Variants in CSGALNACT1 observed in about 807,000 individuals in gnomAD.
CSGALNACT1 encodes chondroitin sulfate N-acetylgalactosaminyltransferase 1.
A neutral mutation model predicts 51.0 loss-of-function variants in CSGALNACT1; 52 were observed. The observed-to-expected ratio is 1.02, with a 90% CI of 0.82 to 1.29. The LOEUF is 1.29. CSGALNACT1 is among the 50% of genes most tolerant of loss of function. The probability of loss-of-function intolerance (pLI) is 0.00; values close to 1 mark genes in which losing one functional copy is unlikely to be tolerated. For missense variants in CSGALNACT1, 935 were observed against 679.2 expected, an observed-to-expected ratio of 1.38 and a Z score of -4.19; for synonymous variants, 341 against 254.4, an observed-to-expected ratio of 1.34 and a Z score of -3.24.
chr8:19,409,522 A>C (rs202231259), intron 8 of CSGALNACT1, among the ~76,000 whole-genome samples: 1 of 149,766 alleles, frequency 6.7e-6, no homozygotes, highest in Admixed American at 6.7e-5. Context: ...GAGAGAGAGA[A>C]ACACACACAC....
intron 3 of CSGALNACT1, among the ~76,000 whole-genome samples, chr8:19,528,159 G>A (rs1032787928): frequency 6.6e-6 from 1 of 152,028 alleles, no homozygotes; most frequent in African/African-American, 2.4e-5. Flanking sequence ...AGGTAGCCTG[G>A]CTAATTCTGT....
At chr8:19,567,734 G>T (rs905892584) in intron 3 of CSGALNACT1, among the ~76,000 whole-genome samples, 2 of 151,938 alleles carry the variant, frequency 1.3e-5, no homozygotes, top group African/African-American at 4.8e-5. Context: ...TAGAAAATAG[G>T]AAAAATCCAA....
At position 19,666,843 on chromosome 8, in the gene CSGALNACT1, A is replaced by G. The variant is rs868741266; in HGVS notation, c.-544+15630T>C. Among the ~76,000 whole-genome samples, 438 of 87,696 alleles carry G rather than the reference A, an allele frequency of 5.0e-3. 16 individuals are homozygous for G. Among genetic ancestry groups the G allele is most frequent in the East Asian group, 0.011 (37 of 3,480 alleles). The allele number at this position is 87,696 out of a possible 152,430, so 57.5% of individuals were successfully genotyped here. On this transcript the variant is annotated intron_variant, in intron 1 of 9. Transcript: ENST00000332246. ...AGAGAGAGAGAGAGAGAAAGAAAGA[A>G]AGAAAGAAAGAAAGAAAGAAAGAAA...
chr8:19,473,699 G>C (rs1344270174), intron 4 of CSGALNACT1, among the ~76,000 whole-genome samples: 1 of 152,118 alleles, frequency 6.6e-6, no homozygotes, highest in African/African-American at 2.4e-5. Flanking sequence ...TAGAAGCATT[G>C]GTTTTGTTGG....
chr8:19,668,073 C>T (rs187979622), intron 1 of CSGALNACT1, among the ~76,000 whole-genome samples: 1 of 152,188 alleles, frequency 6.6e-6, no homozygotes, highest in Non-Finnish European at 1.5e-5. Context: ...TTAACTTTTC[C>T]AGAGAGAGAA....
intron 1 of CSGALNACT1, among the ~76,000 whole-genome samples, chr8:19,633,644 A>G (rs186027662): frequency 6.6e-4 from 100 of 152,288 alleles, no homozygotes; most frequent in African/African-American, 2.1e-3. Flanking sequence ...GTTTTCCCCT[A>G]TGGGTTTTAA....
chr8:19,674,920 A>T (rs1276623501), intron 1 of CSGALNACT1, among the ~76,000 whole-genome samples: 1 of 152,216 alleles, frequency 6.6e-6, no homozygotes, highest in East Asian at 1.9e-4. Context: ...TCTGGCCTGA[A>T]CAATGAAAGC....
chr8:19,609,963 G>A (rs578104170), intron 1 of CSGALNACT1, among the ~76,000 whole-genome samples: 40 of 152,194 alleles, frequency 2.6e-4, no homozygotes, highest in Middle Eastern at 3.4e-3. Context: ...GCTCACGCCT[G>A]TAATCCCAGC....
intron 3 of CSGALNACT1, among the ~76,000 whole-genome samples, chr8:19,545,934 C>CA (rs1233572462): frequency 4.0e-5 from 6 of 150,642 alleles, no homozygotes; most frequent in South Asian, 4.2e-4. Flanking sequence ...AAACAATGCA[C>CA]AAAAAATAAA....
At chr8:19,522,843 C>CA (rs112368065) in intron 3 of CSGALNACT1, among the ~76,000 whole-genome samples, 4 of 151,528 alleles carry the variant, frequency 2.6e-5, no homozygotes, top group East Asian at 3.9e-4. Flanking sequence ...TCCCAAGGCT[C>CA]AAAAAAAAAT....
intron 6 of CSGALNACT1, among the ~76,000 whole-genome samples, chr8:19,439,301 G>C (rs2060915965): frequency 6.6e-6 from 1 of 152,200 alleles, no homozygotes; most frequent in South Asian, 2.1e-4. Context: ...GAGTAAGTTT[G>C]ATCAAGGATC....
chr8:19,694,112 T>C (rs1025000894), intron 1 of CSGALNACT1, among the ~76,000 whole-genome samples: 3 of 152,180 alleles, frequency 2.0e-5, no homozygotes, highest in African/African-American at 7.2e-5. Context: ...TAAGATTAAG[T>C]GAATATTTAA....
exon 10 of CSGALNACT1, chr8:19,404,816 T>C (rs2053837173): frequency 2.2e-6 from 1 of 454,442 alleles, no homozygotes; most frequent in Admixed American, 2.3e-5. Context: ...TGAGTTTCCT[T>C]TTCTGTAAAG....
chr8:19,516,019 C>T (rs986565054), intron 3 of CSGALNACT1, among the ~76,000 whole-genome samples: 4 of 152,158 alleles, frequency 2.6e-5, no homozygotes, highest in Admixed American at 6.5e-5. Flanking sequence ...TGCCAAACCC[C>T]GCAAGGAGAC....
chr8:19,500,716 G>A (rs536490992), intron 4 of CSGALNACT1, among the ~76,000 whole-genome samples: 3 of 152,220 alleles, frequency 2.0e-5, no homozygotes, highest in African/African-American at 7.2e-5. Flanking sequence ...ACCTGCTAAT[G>A]TGTGTTTATA....
At chr8:19,554,080 A>T (rs2089029693) in intron 3 of CSGALNACT1, among the ~76,000 whole-genome samples, 1 of 149,762 alleles carries the variant, frequency 6.7e-6, no homozygotes, top group Non-Finnish European at 1.5e-5. Context: ...AGAGAAAATT[A>T]GTAAGAGAAT....
chr8:19,590,709 G>A (rs1004002172), intron 3 of CSGALNACT1, among the ~76,000 whole-genome samples: 3 of 138,268 alleles, frequency 2.2e-5, no homozygotes, highest in Non-Finnish European at 3.0e-5. Flanking sequence ...GAGTGCATTG[G>A]CGCGATCTCG....
chr8:19,677,300 A>T (rs1396365325), intron 1 of CSGALNACT1, among the ~76,000 whole-genome samples: 1 of 152,152 alleles, frequency 6.6e-6, no homozygotes, highest in African/African-American at 2.4e-5. Context: ...TTACAGAGAC[A>T]GCATTTTGCC....
intron 3 of CSGALNACT1, among the ~76,000 whole-genome samples, chr8:19,554,734 A>C (rs890210628): frequency 2.0e-5 from 3 of 152,086 alleles, no homozygotes; most frequent in African/African-American, 7.2e-5. Flanking sequence ...CCTGCCCTAC[A>C]TGGTGAAACC....
Sources: allele counts gnomAD v4.1 joint callset (sites outside exome capture counted in the v4.1 genomes callset), GRCh38; gene constraint gnomAD v4.1.1; transcripts MANE v1.5; gene names NCBI Gene and HGNC (gene_info 2026-07-23, HGNC 2026-07-21).